Variants in NCOA6 observed in about 807,000 individuals in gnomAD.
NCOA6 encodes NRC RAP250.
In NCOA6, 49 loss-of-function variants were observed where a neutral mutation model predicts 171.4. The observed-to-expected ratio is 0.29, with a 90% CI of 0.23 to 0.36. The LOEUF (loss-of-function observed/expected upper bound fraction) is 0.36. Ranked by LOEUF, NCOA6 falls within the 10% of genes least tolerant of loss-of-function variation. The pLI is 1.00. For missense variants in NCOA6, 2,248 were observed against 2,554.5 expected (o/e 0.88, Z 2.59); for synonymous variants, 910 against 927.5 (o/e 0.98, Z 0.34).
At chr20:34,759,409 A>G (rs2076749647) in intron 5 of NCOA6, among the ~76,000 whole-genome samples, 1 of 129,616 alleles carries the variant, frequency 7.7e-6, no homozygotes, top group African/African-American at 2.8e-5. Context: ...CTTCAGATAT[A>G]TATGTAGATA....
intron 9 of NCOA6, 69 bp from the exon 10 acceptor site, chr20:34,746,997 G>A: frequency 1.5e-6 from 2 of 1,342,944 alleles, no homozygotes; most frequent in Non-Finnish European, 2.0e-6. Flanking sequence ...CACAAAACTA[G>A]CTTAACCCTT....
chr20:34,779,267 T>C (rs1332283100), intron 3 of NCOA6, among the ~76,000 whole-genome samples: 2 of 152,114 alleles, frequency 1.3e-5, no homozygotes, highest in Non-Finnish European at 2.9e-5. Context: ...TCCCAGCACT[T>C]TGGGAGGCCG....
At chr20:34,820,794 A>G (rs1356017283) in intron 1 of NCOA6, 1 of 152,070 alleles carries the variant, frequency 6.6e-6, no homozygotes, top group African/African-American at 2.4e-5. Flanking sequence ...AAAAAATTAA[A>G]ATAAGCAAGA....
rs749347126 is a variant in NCOA6, at chr20:34,750,508, C to G, written c.1687G>C (p.Ala563Pro). ...TGCATCTGGTTTTGAGGAGGACCAGCTCCTTGACCACCTTAAAAAAAAAAA... is the reference window on the plus strand; with the variant it reads ...TGCATCTGGTTTTGAGGAGGACCAGGTCCTTGACCACCTTAAAAAAAAAAA... ...QNVQHAGGQGAGPPQNQMQVS... is the reference protein window; with the variant it reads ...QNVQHAGGQGPGPPQNQMQVS... Residue 563 changes from alanine to proline, a missense_variant, in exon 9 of 15, where the codon GCT becomes CCT. By Grantham distance (27) the Ala-to-Pro change is conservative. This residue lies in a region of NCOA6 where 987 missense variants were observed against 1,104.7 expected (regional missense o/e 0.89). Coordinates refer to ENST00000359003, the MANE Select transcript of NCOA6 (RefSeq NM_014071.5). 5 of 1,569,674 alleles carry G rather than the reference C, an allele frequency of 3.2e-6. No individual in the cohort carries two copies. Among genetic ancestry groups the G allele is most frequent in the Non-Finnish European group, 4.3e-6 (5 of 1,161,704 alleles).
At chr20:34,783,297 T>C (rs1387755222) in intron 2 of NCOA6, among the ~76,000 whole-genome samples, 2 of 150,996 alleles carry the variant, frequency 1.3e-5, no homozygotes, top group African/African-American at 4.9e-5. Flanking sequence ...AAAAAGGGGG[T>C]TGATATGGAC....
At chr20:34,803,487 AC>A (rs1178548361) in intron 1 of NCOA6, among the ~76,000 whole-genome samples, 1 of 151,824 alleles carries the variant, frequency 6.6e-6, no homozygotes, top group Non-Finnish European at 1.5e-5. Context: ...GAAAAAAAAA[AC>A]AAAAAAACAA....
chr20:34,812,818 C>A lies in NCOA6; in HGVS notation c.-164+12654G>T, dbSNP rs139891070. Among the ~76,000 whole-genome samples the A allele has an allele frequency of 5.4e-4, 82 of 152,044 alleles. 1 individual carries two copies. The East Asian group carries it at 0.015, about 28-fold the overall frequency. On this transcript the variant is annotated intron_variant, in intron 1 of 14. Coordinates refer to ENST00000359003, the MANE Select transcript of NCOA6 (RefSeq NM_014071.5). ...ACTGCTTGAGCCTACGAGTTTGAGA[C>A]CACCCTGGGCAACATAGGGAGACCC... is the stretch of plus-strand genomic sequence containing the variant.
chr20:34,754,990 CT>C, intron 7 of NCOA6, 122 bp from the exon 8 acceptor site: 2 of 890,054 alleles, frequency 2.2e-6, no homozygotes, highest in Non-Finnish European at 3.3e-6. Context: ...CTCTGTCACA[CT>C]GGTAGGATCT....
At position 34,742,208 on chromosome 20, in the gene NCOA6, T is replaced by C. The variant is rs1309581633; in HGVS notation, c.4048A>G (p.Lys1350Glu). The stretch of plus-strand genomic sequence containing the variant: ...GAGGCCAGAGTAAGTTTAGGGGCTT[T>C]TGAATTTTGCCTCCCAGGGCTTGGA... The part of the protein sequence containing the change: ...TTPSPGRQNS[K>E]APKLTLASQT... Residue 1350 changes from lysine to glutamate, a missense_variant, in exon 11 of 15, where the codon AAA (lysine) becomes GAA (glutamate). By Grantham distance (56) the Lys-to-Glu change is moderately conservative. Coordinates refer to ENST00000359003, the MANE Select transcript of NCOA6 (RefSeq NM_014071.5). The C allele has an allele frequency of 6.2e-7, 1 of 1,614,080 alleles. No homozygotes were observed. Among genetic ancestry groups the C allele is most frequent in the African/African-American group, 1.3e-5 (1 of 74,924 alleles).
Position 34,754,856 on chromosome 20 carries a change from C to A in NCOA6, c.1541G>T (p.Arg514Leu), listed in dbSNP as rs761315318. 2 of 1,613,784 alleles carry A rather than the reference C, an allele frequency of 1.2e-6. No homozygotes were observed. The highest frequency in any genetic ancestry group is 1.7e-6 in the Non-Finnish European group (2 of 1,179,974). The change falls in exon 8 of 15, where the codon CGC (arginine) becomes CTC (leucine). Residue 514 changes from arginine to leucine, a missense_variant. Arg to Leu is a moderately radical substitution (Grantham distance 102, BLOSUM62 -2). This residue lies in a region of NCOA6 where 987 missense variants were observed against 1,104.7 expected (regional missense o/e 0.89). Transcript: ENST00000359003. ...TCCTGCTGAGAAGCCAGGTGGGAGG[C>A]GTTTAGGCATTCCTTAATAGAAAAC... ...LHPGLGGMPK[R>L]LPPGFSAGQA...
At chr20:34,823,426 T>C (rs751373783) in intron 1 of NCOA6, among the ~76,000 whole-genome samples, 88 of 152,340 alleles carry the variant, frequency 5.8e-4, no homozygotes, top group Non-Finnish European at 1.1e-3. Flanking sequence ...TATATACATA[T>C]GGTATTGACA....
At chr20:34,787,775 C>T (rs2077730578) in intron 2 of NCOA6, among the ~76,000 whole-genome samples, 1 of 152,132 alleles carries the variant, frequency 6.6e-6, no homozygotes, top group East Asian at 1.9e-4. Flanking sequence ...AGTGTTACAA[C>T]TCTGTGACTG....
intron 14 of NCOA6, among the ~76,000 whole-genome samples, chr20:34,718,920 C>A (rs149259173): frequency 2.0e-5 from 3 of 152,326 alleles, no homozygotes; most frequent in Admixed American, 1.3e-4. Context: ...CCTGGCCTGA[C>A]TGTGAACCTA....
intron 9 of NCOA6, among the ~76,000 whole-genome samples, chr20:34,747,699 T>C (rs1044653293): frequency 1.3e-5 from 2 of 152,204 alleles, no homozygotes; most frequent in African/African-American, 4.8e-5. Flanking sequence ...TTTTGTCTCA[T>C]TATACTCTGT....
rs757225394 is a variant in NCOA6 at position 34,746,929 on chromosome 20, C to CT, written c.2793-2dup. On this transcript the variant is annotated splice_acceptor_variant, in intron 9 of 14. Coordinates refer to ENST00000359003, the MANE Select transcript of NCOA6 (RefSeq NM_014071.5). LOFTEE classifies it high-confidence loss of function. Reference sequence around the variant, plus strand: ...ACCAGCTGGGCGAGTATCTGGGGTGCTAAAAAAAAAAAAAAAAAAAAAAGT... The same window carrying CT: ...ACCAGCTGGGCGAGTATCTGGGGTGCTTAAAAAAAAAAAAAAAAAAAAAAGT... 6.4e-5 allele frequency: 69 copies of CT among 1,072,940 alleles called. No homozygotes were observed. Among genetic ancestry groups the CT allele is most frequent in the South Asian group, 6.1e-5 (2 of 33,032 alleles). 66.5% of individuals were successfully genotyped at this position (1,072,940 alleles called of 1,614,324 possible).
chr20:34,799,402 G>A (rs2078182722), intron 1 of NCOA6, among the ~76,000 whole-genome samples: 1 of 152,182 alleles, frequency 6.6e-6, no homozygotes, highest in African/African-American at 2.4e-5. Context: ...GAGTGAAAGA[G>A]AGGGGCAGAA....
intron 1 of NCOA6, among the ~76,000 whole-genome samples, chr20:34,801,107 C>T (rs1466165085): frequency 6.6e-6 from 1 of 152,036 alleles, no homozygotes; most frequent in East Asian, 1.9e-4. Context: ...CCTCAATGAC[C>T]AGTGGGTCCA....
chr20:34,810,603 T>A (rs2078622644), intron 1 of NCOA6, among the ~76,000 whole-genome samples: 1 of 152,034 alleles, frequency 6.6e-6, no homozygotes. Flanking sequence ...TCACCCAGGC[T>A]GGAGTGCAGT....
intron 3 of NCOA6, among the ~76,000 whole-genome samples, chr20:34,778,013 T>C (rs1216890542): frequency 6.6e-6 from 1 of 152,076 alleles, no homozygotes; most frequent in Non-Finnish European, 1.5e-5. Context: ...GTTCGAGCAA[T>C]TCTCCTGCCT....
Sources: gnomAD v4.1 joint callset for allele counts (sites outside exome capture counted in the v4.1 genomes callset) on GRCh38, gnomAD v4.1.1 for gene constraint, gnomAD v4.1.1 regional missense constraint, MANE v1.5 for transcripts, NCBI Gene and HGNC (gene_info 2026-07-23, HGNC 2026-07-21) for gene names.